CNTNAP2: variants seen among roughly 807,000 people sequenced by gnomAD.
CNTNAP2 encodes contactin-associated protein-like 2.
CNTNAP2 carries 98 observed loss-of-function variants against 155.2 expected under a neutral mutation model. That is an observed-to-expected ratio of 0.63 (90% confidence interval 0.54 to 0.75). The LOEUF is 0.75. CNTNAP2 is among the 30% of genes least tolerant of loss of function. The probability of loss-of-function intolerance (pLI) is 0.00; values close to 1 mark genes in which losing one functional copy is unlikely to be tolerated. For missense variants in CNTNAP2, 1,727 were observed against 1,688.1 expected, an observed-to-expected ratio of 1.02 and a Z score of -0.40; for synonymous variants, 651 against 631.2, an observed-to-expected ratio of 1.03 and a Z score of -0.47.
Position 148,131,728 on chromosome 7 carries a change from A to G in CNTNAP2, c.2554+13440A>G, listed in dbSNP as rs186619850. On this transcript the variant is annotated intron_variant, in intron 16 of 23. Transcript: ENST00000361727. ...CTAACAGTATCTCCATAGGCTTGAT[A>G]TTTTTATAAAAACAAGTGCTTCAAG... is the stretch of plus-strand genomic sequence containing the variant. Among the ~76,000 whole-genome samples, 199 of 152,322 alleles carry G rather than the reference A, an allele frequency of 1.3e-3. 1 individual carries two copies. Among genetic ancestry groups the G allele is most frequent in the Middle Eastern group, 6.8e-3 (2 of 294 alleles).
At chr7:146,501,658 G>A (rs995705886) in intron 1 of CNTNAP2, among the ~76,000 whole-genome samples, 1 of 151,880 alleles carries the variant, frequency 6.6e-6, no homozygotes, top group Non-Finnish European at 1.5e-5. Context: ...TTGGATAGTG[G>A]CCTTGAAAAA....
intron 21 of CNTNAP2, among the ~76,000 whole-genome samples, chr7:148,349,425 A>G (rs1303974051): frequency 3.0e-4 from 3 of 10,144 alleles, no homozygotes; most frequent in African/African-American, 7.5e-4. Context: ...TTTTTGAGAC[A>G]GAGTCTCACT....
rs576215943 is a variant in CNTNAP2 at position 146,923,443 on chromosome 7, C to G, written c.402+83539C>G. Among the ~76,000 whole-genome samples, 33 of 152,204 alleles carry G rather than the reference C, an allele frequency of 2.2e-4. 1 individual carries two copies. In the South Asian group the frequency reaches 6.0e-3, roughly 28 times the overall value. On this transcript the variant is annotated intron_variant, in intron 3 of 23. Coordinates refer to ENST00000361727, the MANE Select transcript of CNTNAP2 (RefSeq NM_014141.6). ...CTGACAGAAGAGATTGGGTTTCGTT[C>G]TCTGTATTCTCATTGCTTGGCACAG...
At chr7:148,331,729 T>TGGATGGAGTGGATGGATGGAATGGAC (rs1798024047) in intron 21 of CNTNAP2, among the ~76,000 whole-genome samples, 12 of 21,990 alleles carry the variant, frequency 5.5e-4, no homozygotes, top group Non-Finnish European at 1.3e-3. Flanking sequence ...ATGGATTGGA[T>TGGATGGAGTGGATGGATGGAATGGAC]GGATGGAGTG....
At chr7:147,636,857 G>A (rs1040852669) in intron 12 of CNTNAP2, among the ~76,000 whole-genome samples, 3 of 152,150 alleles carry the variant, frequency 2.0e-5, no homozygotes, top group Admixed American at 1.3e-4. Flanking sequence ...GAAAATTAAA[G>A]CAGGAAGAGG....
At chr7:148,001,162 G>A (rs1313475857) in intron 15 of CNTNAP2, among the ~76,000 whole-genome samples, 1 of 152,178 alleles carries the variant, frequency 6.6e-6, no homozygotes, top group Non-Finnish European at 1.5e-5. Context: ...GTTCTGGGTG[G>A]ACATGAATTT....
At chr7:147,296,271 A>C (rs1805442089) in intron 8 of CNTNAP2, among the ~76,000 whole-genome samples, 1 of 152,226 alleles carries the variant, frequency 6.6e-6, no homozygotes, top group Non-Finnish European at 1.5e-5. Flanking sequence ...GCAGTCCTAT[A>C]GTTAATCAAC....
chr7:147,073,237 G>T (rs1339986812), intron 4 of CNTNAP2, among the ~76,000 whole-genome samples: 2 of 145,698 alleles, frequency 1.4e-5, no homozygotes, highest in Non-Finnish European at 3.0e-5. Flanking sequence ...GCCATAAAAA[G>T]AATGAGATCA....
chr7:148,040,258 A>C (rs1223259926), intron 15 of CNTNAP2, among the ~76,000 whole-genome samples: 1 of 152,226 alleles, frequency 6.6e-6, no homozygotes, highest in African/African-American at 2.4e-5. Context: ...TTAAAATGAT[A>C]ATGCTTTAAC....
chr7:146,334,411 A>G (rs1206133715), intron 1 of CNTNAP2, among the ~76,000 whole-genome samples: 1 of 148,774 alleles, frequency 6.7e-6, no homozygotes, highest in Non-Finnish European at 1.5e-5. Context: ...AGCCTGGGCG[A>G]CAGAGCAAGA....
At chr7:148,390,645 C>G (rs2116677284) in intron 22 of CNTNAP2, among the ~76,000 whole-genome samples, 1 of 152,212 alleles carries the variant, frequency 6.6e-6, no homozygotes, top group East Asian at 1.9e-4. Flanking sequence ...AGACATCTAC[C>G]CATAGGTCTG....
intron 8 of CNTNAP2, among the ~76,000 whole-genome samples, chr7:147,246,251 G>T (rs1804064819): frequency 1.3e-5 from 2 of 152,000 alleles, no homozygotes; most frequent in South Asian, 2.1e-4. Flanking sequence ...AAATCTGAAG[G>T]CTTGTCTGCT....
chr7:148,298,998 TC>T (rs1220574241), intron 21 of CNTNAP2, among the ~76,000 whole-genome samples: 1 of 151,814 alleles, frequency 6.6e-6, no homozygotes, highest in Non-Finnish European at 1.5e-5. Context: ...TTTTTTTTTT[TC>T]TTTTTTTTTG....
chr7:147,920,805 C>CTTTTTT (rs1219556681), intron 14 of CNTNAP2, among the ~76,000 whole-genome samples: 17 of 100,650 alleles, frequency 1.7e-4, no homozygotes, highest in African/African-American at 3.7e-4. Flanking sequence ...CTGCTCCTGT[C>CTTTTTT]TTTTTTTTTT....
chr7:146,670,175 G>T (rs1800277459), intron 1 of CNTNAP2, among the ~76,000 whole-genome samples: 1 of 152,130 alleles, frequency 6.6e-6, no homozygotes, highest in African/African-American at 2.4e-5. Context: ...TTCTTTTTGT[G>T]TAACTAGAAA....
intron 12 of CNTNAP2, among the ~76,000 whole-genome samples, chr7:147,637,260 A>C (rs1350836041): frequency 2.0e-5 from 3 of 152,078 alleles, no homozygotes; most frequent in African/African-American, 7.2e-5. Context: ...AAAGCAGCAG[A>C]CTGGTTAGGA....
At chr7:146,632,120 T>G (rs116940381) in intron 1 of CNTNAP2, among the ~76,000 whole-genome samples, 93 of 152,272 alleles carry the variant, frequency 6.1e-4, no homozygotes, top group Non-Finnish European at 1.1e-3. Flanking sequence ...TCTGTATGCT[T>G]TAGTTTCATC....
chr7:147,441,058 CCTGT>C lies in CNTNAP2; in HGVS notation c.1671-44874_1671-44871del, dbSNP rs1167810459. 4.6e-5 allele frequency among the ~76,000 whole-genome samples: 7 copies of C among 152,154 alleles called. No individual in the cohort carries two copies. In the South Asian group the frequency reaches 1.0e-3, roughly 23 times the overall value. ...TGTGTCTTTGAATAAACCCTCTACC[CCTGT>C]CTATTTCTCTACCTTGTATTTAAGG... On this transcript the variant is annotated intron_variant, in intron 10 of 23. Coordinates refer to ENST00000361727, the MANE Select transcript of CNTNAP2 (RefSeq NM_014141.6).
At chr7:146,757,633 T>G (rs1263888099) in intron 1 of CNTNAP2, among the ~76,000 whole-genome samples, 3 of 152,002 alleles carry the variant, frequency 2.0e-5, no homozygotes, top group Non-Finnish European at 4.4e-5. Flanking sequence ...ATCAAGAGAG[T>G]TGACAACTAA....
Sources: gnomAD v4.1 joint callset for allele counts (sites outside exome capture counted in the v4.1 genomes callset) on GRCh38, gnomAD v4.1.1 for gene constraint, MANE v1.5 for transcripts, NCBI Gene and HGNC (gene_info 2026-07-23, HGNC 2026-07-21) for gene names.